SH3KBP1: variants seen among roughly 807,000 people sequenced by gnomAD.
SH3KBP1 encodes the protein SH3 domain containing kinase binding protein 1.
A neutral mutation model predicts 50.1 loss-of-function variants in SH3KBP1; 8 were observed. The observed-to-expected ratio is 0.16, with a 90% confidence interval of 0.09 to 0.29. SH3KBP1 has a LOEUF of 0.29. SH3KBP1 is among the 10% of genes least tolerant of loss of function. SH3KBP1 has a pLI of 1.00. For missense variants in SH3KBP1, 377 were observed against 535.2 expected, an observed-to-expected ratio of 0.70 and a Z score of 2.92; for synonymous variants, 227 against 218.6, an observed-to-expected ratio of 1.04 and a Z score of -0.34.
intron 3 of SH3KBP1, 42 bp from the exon 4 acceptor site, chrX:19,707,026 C>G (rs1326677694): frequency 9.4e-7 from 1 of 1,065,929 alleles, no homozygotes; most frequent in African/African-American, 1.8e-5. Flanking sequence ...GCTCTTCTCC[C>G]CAAATCAGAT....
At chrX:19,788,269 C>CAAAAAAAAAAAAAAAAAAAAAAAAAA (rs1227301099) in intron 2 of SH3KBP1, among the ~76,000 whole-genome samples, 1 of 25,583 alleles carries the variant, frequency 3.9e-5, no homozygotes, top group African/African-American at 1.0e-4. Context: ...ATTCTATCTC[C>CAAAAAAAAAAAAAAAAAAAAAAAAAA]AAAAAAAAAA....
At chrX:19,726,175 A>G (rs566872621) in intron 3 of SH3KBP1, among the ~76,000 whole-genome samples, 75 of 111,900 alleles carry the variant, frequency 6.7e-4, no homozygotes, top group Non-Finnish European at 8.5e-4. Context: ...AGGGGCAAAT[A>G]GAAGCACAAA....
At chrX:19,639,357 A>G (rs1004655537) in intron 7 of SH3KBP1, among the ~76,000 whole-genome samples, 5 of 111,192 alleles carry the variant, frequency 4.5e-5, no homozygotes, top group Non-Finnish European at 9.4e-5. Context: ...AAAAAGAAGA[A>G]ATGAAAATCT....
At chrX:19,665,663 T>C (rs1040669108) in intron 6 of SH3KBP1, among the ~76,000 whole-genome samples, 3 of 112,084 alleles carry the variant, frequency 2.7e-5, no homozygotes, top group Admixed American at 9.5e-5. Context: ...TGTCATCCTG[T>C]AGCTTTTAAA....
At chrX:19,553,254 G>A (rs1459952657) in intron 13 of SH3KBP1, among the ~76,000 whole-genome samples, 4 of 111,364 alleles carry the variant, frequency 3.6e-5, no homozygotes, top group Non-Finnish European at 7.5e-5. Flanking sequence ...TTAACACCAG[G>A]AAACTTCTGC....
chrX:19,594,713 T>G (rs778135995), intron 10 of SH3KBP1, among the ~76,000 whole-genome samples: 13 of 111,577 alleles, frequency 1.2e-4, no homozygotes, highest in Non-Finnish European at 2.4e-4. Flanking sequence ...CTGATCATTC[T>G]CATTGGGAGC....
chrX:19,575,149 T>C (rs1235495938), intron 12 of SH3KBP1, among the ~76,000 whole-genome samples: 2 of 112,652 alleles, frequency 1.8e-5, no homozygotes, highest in African/African-American at 6.4e-5. Flanking sequence ...CTGTTAAAAT[T>C]ATAAAGAATA....
At chrX:19,869,712 G>C (rs975311586) in intron 1 of SH3KBP1, among the ~76,000 whole-genome samples, 4 of 112,246 alleles carry the variant, frequency 3.6e-5, no homozygotes, top group African/African-American at 9.7e-5. Context: ...TACACTCTAG[G>C]AACACATATT....
chrX:19,536,340 A>G lies in SH3KBP1; in HGVS notation c.*77T>C. ...AGGCAAACCTTTAATCTTTTGGCAC[A>G]AGATTATTTTGGCTGGGGCAGAAAA... On this transcript the variant is annotated 3_prime_UTR_variant, in exon 18 of 18. Coordinates refer to ENST00000397821, the MANE Select transcript of SH3KBP1 (RefSeq NM_031892.3). 1 of 664,056 alleles carries G rather than the reference A, an allele frequency of 1.5e-6. No individual in the cohort carries two copies. The highest frequency in any genetic ancestry group is 2.3e-6 in the Non-Finnish European group (1 of 427,855). The allele number at this position is 664,056 out of a possible 1,213,427, so 54.7% of individuals were successfully genotyped here.
chrX:19,632,953 C>T (rs936315381), intron 7 of SH3KBP1, among the ~76,000 whole-genome samples: 1 of 112,018 alleles, frequency 8.9e-6, no homozygotes, highest in Non-Finnish European at 1.9e-5. Flanking sequence ...GCATCAGGCC[C>T]GTTCCTGCAG....
At chrX:19,540,612 C>G (rs1294454552) in intron 16 of SH3KBP1, among the ~76,000 whole-genome samples, 1 of 111,356 alleles carries the variant, frequency 9.0e-6, no homozygotes, top group Non-Finnish European at 1.9e-5. Context: ...TCTGCTGACC[C>G]CAGACTGGCA....
chrX:19,593,306 G>A (rs1474804127), intron 10 of SH3KBP1, among the ~76,000 whole-genome samples: 1 of 111,169 alleles, frequency 9.0e-6, no homozygotes, highest in African/African-American at 3.3e-5. Flanking sequence ...CACAACCTCA[G>A]AGAACAAAAG....
At chrX:19,825,611 T>C (rs1415694924) in intron 2 of SH3KBP1, among the ~76,000 whole-genome samples, 1 of 110,586 alleles carries the variant, frequency 9.0e-6, no homozygotes, top group Non-Finnish European at 1.9e-5. Flanking sequence ...CGGTGGTTCA[T>C]GCCTGTAGTC....
At chrX:19,838,237 A>G (rs2068115454) in intron 1 of SH3KBP1, among the ~76,000 whole-genome samples, 1 of 112,494 alleles carries the variant, frequency 8.9e-6, no homozygotes, top group Admixed American at 9.4e-5. Context: ...TGACAGAATG[A>G]CACAGGTTCC....
intron 2 of SH3KBP1, among the ~76,000 whole-genome samples, chrX:19,792,503 T>C (rs1023308225): frequency 9.0e-6 from 1 of 111,084 alleles, no homozygotes. Flanking sequence ...GCAGACACAA[T>C]GCTCTTCCAC....
intron 1 of SH3KBP1, among the ~76,000 whole-genome samples, chrX:19,840,309 C>G (rs2068186300): frequency 8.9e-6 from 1 of 111,924 alleles, no homozygotes; most frequent in Non-Finnish European, 1.9e-5. Flanking sequence ...TGACGTGTGC[C>G]ATAAGATACA....
intron 1 of SH3KBP1, among the ~76,000 whole-genome samples, chrX:19,881,996 G>A (rs2069447424): frequency 9.0e-6 from 1 of 111,235 alleles, no homozygotes; most frequent in African/African-American, 3.3e-5. Flanking sequence ...GTCCTGGTAG[G>A]TGTAGGGCAG....
intron 5 of SH3KBP1, among the ~76,000 whole-genome samples, chrX:19,685,853 C>T (rs1323160972): frequency 9.0e-6 from 1 of 111,428 alleles, no homozygotes; most frequent in Admixed American, 9.5e-5. Context: ...TCCCTCAGCA[C>T]GCTCCCCTCA....
At position 19,535,804 on chromosome X, in the gene SH3KBP1, T is replaced by A. The variant is rs1354336597; in HGVS notation, c.*613A>T. The stretch of plus-strand genomic sequence containing the variant: ...AGATCATTGCAAATACCAGATTTTC[T>A]CTTTCTCTTTTTGTAAATATACCGT... On this transcript the variant is annotated 3_prime_UTR_variant, in exon 18 of 18. Coordinates refer to ENST00000397821, the MANE Select transcript of SH3KBP1 (RefSeq NM_031892.3). 1 of 112,042 alleles carries A rather than the reference T, an allele frequency of 8.9e-6. No homozygotes were observed. Among genetic ancestry groups the A allele is most frequent in the African/African-American group, 3.3e-5 (1 of 30,700 alleles). The allele number at this position is 112,042 out of a possible 1,213,427, so 9.2% of individuals were successfully genotyped here.
Sources: gnomAD v4.1 joint callset for allele counts (sites outside exome capture counted in the v4.1 genomes callset) on GRCh38, gnomAD v4.1.1 for gene constraint, MANE v1.5 for transcripts, NCBI Gene and HGNC (gene_info 2026-07-23, HGNC 2026-07-21) for gene names.